Variants in HS3ST3A1 observed in about 807,000 individuals in gnomAD.
HS3ST3A1 encodes heparan sulfate glucosamine 3-O-sulfotransferase 3A1.
HS3ST3A1 carries 19 observed loss-of-function variants against 25.7 expected under a neutral mutation model. That is an observed-to-expected ratio of 0.74 (90% CI 0.52 to 1.08). The LOEUF (loss-of-function observed/expected upper bound fraction) is 1.08. Among genes scored for constraint, HS3ST3A1 ranks in the 50% least tolerant of loss-of-function variants. The pLI is 0.00. For missense variants in HS3ST3A1, 459 were observed against 594.3 expected (o/e 0.77, Z 2.37); for synonymous variants, 226 against 278.6 (o/e 0.81, Z 1.88).
At chr17:13,527,076 C>T (rs193295685) in intron 1 of HS3ST3A1, among the ~76,000 whole-genome samples, 43 of 152,286 alleles carry the variant, frequency 2.8e-4, no homozygotes, top group Non-Finnish European at 5.1e-4. Flanking sequence ...CCCAAACAAC[C>T]TACCTGCTTT....
At chr17:13,500,410 G>A (rs887610140) in intron 1 of HS3ST3A1, among the ~76,000 whole-genome samples, 1 of 152,310 alleles carries the variant, frequency 6.6e-6, no homozygotes, top group Non-Finnish European at 1.5e-5. Flanking sequence ...CTGGGGCCCG[G>A]GATGGGTAGT....
intron 1 of HS3ST3A1, among the ~76,000 whole-genome samples, chr17:13,561,378 C>T (rs921851951): frequency 3.3e-5 from 5 of 151,596 alleles, no homozygotes. Context: ...CCCTGAGATA[C>T]CAGATCATTC....
intron 1 of HS3ST3A1, among the ~76,000 whole-genome samples, chr17:13,590,095 T>C (rs537859755): frequency 6.6e-5 from 10 of 152,268 alleles, no homozygotes; most frequent in African/African-American, 2.2e-4. Flanking sequence ...AAAAGCAAAC[T>C]TTTTCCTGTC....
rs71144977 is a variant in HS3ST3A1, at chr17:13,585,186, C to CTTTTTTTTTTT, written c.599+15334_599+15344dup. 2.5e-3 allele frequency among the ~76,000 whole-genome samples: 83 copies of CTTTTTTTTTTT among 33,246 alleles called. 17 individuals carry two copies. The highest frequency in any genetic ancestry group is 4.0e-3 in the African/African-American group (34 of 8,480). The allele number at this position is 33,246 out of a possible 152,430, so 21.8% of individuals were successfully genotyped here. ...CAATCTAAATACTCATTTTTCTGTG[C>CTTTTTTTTTTT]TTTTTTTTTTTTTTTTTTTTTTTTT... On this transcript the variant is annotated intron_variant, in intron 1 of 1. Transcript: ENST00000284110.
chr17:13,544,903 G>A (rs578144469), intron 1 of HS3ST3A1, among the ~76,000 whole-genome samples: 2 of 152,186 alleles, frequency 1.3e-5, no homozygotes, highest in South Asian at 2.1e-4. Flanking sequence ...GATGCTAAGC[G>A]GGGCGTTCAG....
chr17:13,535,147 G>C (rs1052024201), intron 1 of HS3ST3A1, among the ~76,000 whole-genome samples: 1 of 152,176 alleles, frequency 6.6e-6, no homozygotes, highest in African/African-American at 2.4e-5. Flanking sequence ...TTTGTCAAAT[G>C]CTCAAATCAT....
chr17:13,592,219 A>G (rs1908444765), intron 1 of HS3ST3A1, among the ~76,000 whole-genome samples: 1 of 152,162 alleles, frequency 6.6e-6, no homozygotes, highest in South Asian at 2.1e-4. Flanking sequence ...TAGTTCTATG[A>G]TCTTGGACAA....
chr17:13,546,366 A>G (rs1907087892), intron 1 of HS3ST3A1, among the ~76,000 whole-genome samples: 1 of 152,074 alleles, frequency 6.6e-6, no homozygotes, highest in Non-Finnish European at 1.5e-5. Flanking sequence ...CCCAGGTTCA[A>G]GAGATTCTCC....
At chr17:13,508,609 T>C (rs1905762486) in intron 1 of HS3ST3A1, among the ~76,000 whole-genome samples, 1 of 152,264 alleles carries the variant, frequency 6.6e-6, no homozygotes, top group Non-Finnish European at 1.5e-5. Context: ...TTAACTTCAT[T>C]GAGGGAACTC....
At chr17:13,552,086 T>C (rs371729577) in intron 1 of HS3ST3A1, among the ~76,000 whole-genome samples, 1 of 150,220 alleles carries the variant, frequency 6.7e-6, no homozygotes, top group African/African-American at 2.4e-5. Flanking sequence ...TATTTTTTTA[T>C]TTTTATTTTT....
intron 1 of HS3ST3A1, among the ~76,000 whole-genome samples, chr17:13,523,632 A>G (rs1167481823): frequency 1.3e-5 from 2 of 152,158 alleles, no homozygotes; most frequent in Admixed American, 6.5e-5. Context: ...CAGAAAATAG[A>G]TAAGAGTTAG....
intron 1 of HS3ST3A1, among the ~76,000 whole-genome samples, chr17:13,531,172 T>G (rs2142331862): frequency 6.6e-6 from 1 of 152,306 alleles, no homozygotes; most frequent in East Asian, 1.9e-4. Flanking sequence ...CTTTCCTAAG[T>G]GAATTCAAAG....
intron 1 of HS3ST3A1, among the ~76,000 whole-genome samples, chr17:13,548,640 G>A (rs7218451): frequency 0.44 from 66,595 of 151,950 alleles, 16,187 homozygotes; most frequent in African/African-American, 0.66. Context: ...TTCTGGGTCG[G>A]GCGGGGACTT....
chr17:13,578,068 T>A (rs1020998687), intron 1 of HS3ST3A1, among the ~76,000 whole-genome samples: 1 of 152,074 alleles, frequency 6.6e-6, no homozygotes, highest in African/African-American at 2.4e-5. Context: ...GAAGTTATCA[T>A]AAGAAAATAA....
chr17:13,522,282 C>T (rs1243513918), intron 1 of HS3ST3A1, among the ~76,000 whole-genome samples: 1 of 150,728 alleles, frequency 6.6e-6, no homozygotes, highest in African/African-American at 2.4e-5. Flanking sequence ...CCTCAGAAAG[C>T]CTATTATTTA....
At chr17:13,544,774 G>GAAA (rs11459574) in intron 1 of HS3ST3A1, among the ~76,000 whole-genome samples, 2 of 147,788 alleles carry the variant, frequency 1.4e-5, no homozygotes, top group Admixed American at 6.7e-5. Flanking sequence ...AACCCTCCAG[G>GAAA]AAAAAAAAAA....
intron 1 of HS3ST3A1, among the ~76,000 whole-genome samples, chr17:13,516,293 G>T (rs1007822795): frequency 1.3e-5 from 2 of 152,086 alleles, no homozygotes; most frequent in Non-Finnish European, 2.9e-5. Flanking sequence ...CTGGGTGACA[G>T]CGCAAGACTC....
intron 1 of HS3ST3A1, among the ~76,000 whole-genome samples, chr17:13,556,974 C>T (rs1907398504): frequency 1.3e-5 from 2 of 152,128 alleles, no homozygotes; most frequent in South Asian, 4.1e-4. Flanking sequence ...AACAGATTCC[C>T]TGAAAGAGCA....
intron 1 of HS3ST3A1, among the ~76,000 whole-genome samples, chr17:13,501,258 T>C (rs1905466081): frequency 1.3e-5 from 2 of 150,980 alleles, no homozygotes; most frequent in Admixed American, 1.3e-4. Flanking sequence ...ATGTTATGTG[T>C]TTTCTAAGAT....
Sources: gnomAD v4.1 joint callset for allele counts (sites outside exome capture counted in the v4.1 genomes callset) on GRCh38, gnomAD v4.1.1 for gene constraint, MANE v1.5 for transcripts, NCBI Gene and HGNC (gene_info 2026-07-23, HGNC 2026-07-21) for gene names.